Variants in MAPK10 observed in about 807,000 individuals in gnomAD.
MAPK10 encodes the protein JNK3 alpha protein kinase.
MAPK10 carries 25 observed loss-of-function variants against 59.3 expected under a neutral mutation model. The observed-to-expected ratio is 0.42, with a 90% CI of 0.31 to 0.59. MAPK10 has a LOEUF of 0.59. MAPK10 is among the 20% of genes least tolerant of loss of function. The pLI is 0.15. For missense variants in MAPK10, 351 were observed against 568.9 expected (o/e 0.62, Z 3.90); for synonymous variants, 190 against 200.5 (o/e 0.95, Z 0.44).
At chr4:86,055,648 C>A (rs2044406275) in intron 11 of MAPK10, among the ~76,000 whole-genome samples, 1 of 149,788 alleles carries the variant, frequency 6.7e-6, no homozygotes, top group South Asian at 2.1e-4. Context: ...CACTGCAGAT[C>A]TTTTCTATTA....
chr4:86,269,803 C>T (rs143144361), intron 2 of MAPK10, among the ~76,000 whole-genome samples: 21 of 152,184 alleles, frequency 1.4e-4, no homozygotes, highest in Non-Finnish European at 2.6e-4. Context: ...ACTATGACAA[C>T]AAATTCAATA....
chr4:86,115,379 C>T (rs532084123), intron 4 of MAPK10, among the ~76,000 whole-genome samples: 1 of 152,094 alleles, frequency 6.6e-6, no homozygotes, highest in Admixed American at 6.5e-5. Flanking sequence ...CCTATTCAGT[C>T]CCAGTGAGAG....
intron 1 of MAPK10, among the ~76,000 whole-genome samples, chr4:86,573,244 A>G (rs1375685574): frequency 1.3e-5 from 2 of 152,202 alleles, no homozygotes; most frequent in African/African-American, 2.4e-5. Context: ...AGCAATTTAT[A>G]TCGCTTTAGG....
intron 1 of MAPK10, among the ~76,000 whole-genome samples, chr4:86,437,912 A>G (rs376504413): frequency 2.0e-5 from 3 of 152,360 alleles, no homozygotes; most frequent in East Asian, 1.9e-4. Flanking sequence ...CTATAACAAT[A>G]AAAAAGGAAG....
At chr4:86,168,496 G>A (rs1368617026) in intron 3 of MAPK10, among the ~76,000 whole-genome samples, 1 of 152,228 alleles carries the variant, frequency 6.6e-6, no homozygotes, top group East Asian at 1.9e-4. Context: ...CAAGGTGGCA[G>A]CGAGGCTGGG....
intron 2 of MAPK10, among the ~76,000 whole-genome samples, chr4:86,331,025 T>A (rs2096139773): frequency 6.6e-6 from 1 of 152,054 alleles, no homozygotes; most frequent in Non-Finnish European, 1.5e-5. Flanking sequence ...TGAATAATGA[T>A]TTGAAAAAAA....
intron 2 of MAPK10, among the ~76,000 whole-genome samples, chr4:86,196,148 T>A (rs1267855657): frequency 2.6e-5 from 4 of 152,200 alleles, no homozygotes; most frequent in Non-Finnish European, 5.9e-5. Flanking sequence ...TGCCACACTG[T>A]CTTCCACAAT....
chr4:86,382,987 C>T (rs775699492), intron 1 of MAPK10, among the ~76,000 whole-genome samples: 1 of 152,124 alleles, frequency 6.6e-6, no homozygotes, highest in Non-Finnish European at 1.5e-5. Flanking sequence ...AATGAAACTA[C>T]ATATCTCATA....
intron 2 of MAPK10, among the ~76,000 whole-genome samples, chr4:86,305,768 G>A (rs2095555883): frequency 6.8e-6 from 1 of 147,506 alleles, no homozygotes; most frequent in Admixed American, 6.8e-5. Context: ...TCAGTGAGCC[G>A]AGATCACACC....
At chr4:86,587,887 C>A (rs187425026) in intron 1 of MAPK10, among the ~76,000 whole-genome samples, 1 of 152,166 alleles carries the variant, frequency 6.6e-6, no homozygotes, top group Non-Finnish European at 1.5e-5. Context: ...TGTGGCAATG[C>A]GTGCCTCTAG....
At chr4:86,133,648 G>A (rs1311221315) in intron 4 of MAPK10, among the ~76,000 whole-genome samples, 1 of 152,182 alleles carries the variant, frequency 6.6e-6, no homozygotes, top group African/African-American at 2.4e-5. Flanking sequence ...CTCTTTTTGT[G>A]GGTATTAACA....
intron 1 of MAPK10, among the ~76,000 whole-genome samples, chr4:86,400,694 A>G (rs776760678): frequency 1.3e-5 from 2 of 152,168 alleles, no homozygotes. Flanking sequence ...GTTACTTGAC[A>G]TATAACAGAC....
At chr4:86,574,370 G>A (rs1029835181) in intron 1 of MAPK10, among the ~76,000 whole-genome samples, 1 of 151,788 alleles carries the variant, frequency 6.6e-6, no homozygotes, top group African/African-American at 2.4e-5. Context: ...AAACATACGT[G>A]TGCATGTGTC....
chr4:86,472,903 CA>C (rs1052850477), intron 1 of MAPK10, among the ~76,000 whole-genome samples: 1 of 152,190 alleles, frequency 6.6e-6, no homozygotes, highest in African/African-American at 2.4e-5. Flanking sequence ...TTTAAACTCA[CA>C]AAAACTCTGT....
chr4:86,505,303 A>G (rs1225536253), intron 1 of MAPK10, among the ~76,000 whole-genome samples: 45 of 152,130 alleles, frequency 3.0e-4, no homozygotes, highest in Admixed American at 2.9e-3. Context: ...ATCTAAAATA[A>G]AAGTTTAAAT....
chr4:86,372,054 T>A (rs1270441360), intron 1 of MAPK10, among the ~76,000 whole-genome samples: 1 of 152,106 alleles, frequency 6.6e-6, no homozygotes, highest in African/African-American at 2.4e-5. Flanking sequence ...TACAGAACTC[T>A]CCACCCCCAA....
chr4:86,481,514 G>A (rs1444097754), intron 1 of MAPK10, among the ~76,000 whole-genome samples: 5 of 150,660 alleles, frequency 3.3e-5, no homozygotes, highest in Admixed American at 3.3e-4. Context: ...AATCCCTCTT[G>A]CTTACCTCTT....
intron 3 of MAPK10, among the ~76,000 whole-genome samples, chr4:86,170,061 C>T (rs1184849869): frequency 1.3e-5 from 2 of 151,776 alleles, no homozygotes; most frequent in Non-Finnish European, 2.9e-5. Flanking sequence ...CTGAAGGAAG[C>T]GCTAAACATG....
At chr4:86,444,168 C>T (rs1436126720) in intron 1 of MAPK10, among the ~76,000 whole-genome samples, 1 of 152,028 alleles carries the variant, frequency 6.6e-6, no homozygotes, top group Non-Finnish European at 1.5e-5. Flanking sequence ...ATATCTGGAA[C>T]AATAATGCCT....
Sources: allele counts gnomAD v4.1 joint callset (sites outside exome capture counted in the v4.1 genomes callset), GRCh38; gene constraint gnomAD v4.1.1; transcripts MANE v1.5; gene names NCBI Gene and HGNC (gene_info 2026-07-23, HGNC 2026-07-21).